The following NNT variants were observed in gnomAD, a reference collection of about 807,000 sequenced individuals.
NNT encodes the protein nicotinamide nucleotide transhydrogenase.
A neutral mutation model predicts 104.8 loss-of-function variants in NNT; 50 were observed. That is an observed-to-expected ratio of 0.48 (90% CI 0.38 to 0.60). The LOEUF is 0.60. Ranked by LOEUF, NNT falls within the 20% of genes least tolerant of loss-of-function variation. The pLI, the probability that NNT is intolerant of heterozygous loss-of-function variation, is 0.00. For missense variants in NNT, 1,131 were observed against 1,330.7 expected (o/e 0.85, Z 2.33); for synonymous variants, 461 against 490.4 (o/e 0.94, Z 0.79).
At position 43,644,669 on chromosome 5, in the gene NNT, C is replaced by A. The variant is rs758549808; in HGVS notation, c.1157C>A (p.Thr386Asn). The A allele has an allele frequency of 6.2e-7, 1 of 1,614,146 alleles. No individual in the cohort carries two copies. Among genetic ancestry groups the A allele is most frequent in the Admixed American group, 1.7e-5 (1 of 60,018 alleles). ...AGCCGAATGGCCACTCAGGCCAGCA[C>A]CCTATATTCCAACAACATCACCAAA... ...LPSRMATQAS[T>N]LYSNNITKLL... is the part of the protein sequence containing the mutation. Residue 386 changes from threonine to asparagine, a missense_variant, in exon 9 of 22, where the codon ACC becomes AAC. Transcript: ENST00000344920.
chr5:43,659,113 G>A (rs150434490), intron 16 of NNT, 58 bp from the exon 17 acceptor site: 23 of 1,464,968 alleles, frequency 1.6e-5, no homozygotes, highest in South Asian at 6.9e-5. Context: ...AATGTTAAAT[G>A]TCAGAGGTTT....
chr5:43,619,094 C>T lies in NNT; in HGVS notation c.662C>T (p.Ala221Val). ...FGRFFTGQIT[A>V]AGKVPPAKIL... Reference sequence around the variant, plus strand: ...CGTTTTTTTACTGGTCAGATCACAGCTGCTGGAAAAGTTCCTCCAGCTAAG... The same window carrying T: ...CGTTTTTTTACTGGTCAGATCACAGTTGCTGGAAAAGTTCCTCCAGCTAAG... Residue 221 changes from alanine (A) to valine (V), a missense_variant, in exon 5 of 22, where the codon GCT (alanine) becomes GTT (valine). Coordinates refer to ENST00000344920, the MANE Select transcript of NNT (RefSeq NM_182977.3). The T allele has an allele frequency of 6.4e-7, 1 of 1,553,330 alleles. No homozygotes were observed. Among genetic ancestry groups the T allele is most frequent in the South Asian group, 1.3e-5 (1 of 77,086 alleles).
intron 19 of NNT, among the ~76,000 whole-genome samples, chr5:43,683,540 G>C (rs1001395769): frequency 2.6e-5 from 4 of 152,140 alleles, no homozygotes; most frequent in African/African-American, 7.2e-5. Context: ...TGACCATCAG[G>C]GTGATTTTTG....
chr5:43,689,268 G>T (rs1742141317), intron 19 of NNT, among the ~76,000 whole-genome samples: 1 of 152,144 alleles, frequency 6.6e-6, no homozygotes, highest in Admixed American at 6.5e-5. Flanking sequence ...TGAGTTCTTT[G>T]TAGATTCTGG....
chr5:43,618,900 A>C (rs1749923100), intron 4 of NNT, 132 bp from the exon 5 acceptor site: 1 of 430,382 alleles, frequency 2.3e-6, no homozygotes, highest in Non-Finnish European at 3.8e-6. Context: ...TGTTTTTGAC[A>C]CATAGTACAT....
chr5:43,608,182 G>C lies in NNT; in HGVS notation c.-53-961G>C, dbSNP rs563349270. Among the ~76,000 whole-genome samples the C allele has an allele frequency of 9.2e-5, 14 of 152,192 alleles. No homozygotes were observed. In the East Asian group the frequency reaches 2.5e-3, roughly 27 times the overall value. ...CTGACCTCGTGATCTGCTCACCTTGGCCTCCCAAAGTGCTGGGATTACAGG... is the reference window on the plus strand; with the variant it reads ...CTGACCTCGTGATCTGCTCACCTTGCCCTCCCAAAGTGCTGGGATTACAGG... On this transcript the variant is annotated intron_variant, in intron 1 of 21. Transcript: ENST00000344920.
At chr5:43,686,193 C>G (rs1741978620) in intron 19 of NNT, among the ~76,000 whole-genome samples, 1 of 148,864 alleles carries the variant, frequency 6.7e-6, no homozygotes, top group African/African-American at 2.5e-5. Context: ...ATGAAAGGCT[C>G]TATTGTTTTC....
chr5:43,682,848 C>T (rs900716223), intron 19 of NNT, among the ~76,000 whole-genome samples: 1 of 152,106 alleles, frequency 6.6e-6, no homozygotes, highest in African/African-American at 2.4e-5. Context: ...CCAGGGGATA[C>T]CTCAGTGAAG....
chr5:43,676,843 C>T lies in NNT; in HGVS notation c.2795-882C>T, dbSNP rs541377136. Among the ~76,000 whole-genome samples the T allele has an allele frequency of 4.1e-4, 63 of 152,012 alleles. No homozygotes were observed. The Middle Eastern group carries it at 0.01, about 25-fold the overall frequency. On this transcript the variant is annotated intron_variant, in intron 18 of 21. Transcript: ENST00000344920. ...AAACCTATGAAGGTTTGTAGGGAGG[C>T]GACGATTTGTTTTTAGGACTTAGAG...
At position 43,644,776 on chromosome 5, in the gene NNT, G is replaced by A. The variant is rs137922441; in HGVS notation, c.1264G>A (p.Val422Ile). The part of the protein sequence containing the change: ...DDFDFGTMGH[V>I]IRGTVVMKDG... ...CTTTGACTTTGGTACGATGGGTCAT[G>A]TCATTAGAGGAACTGTAGTGATGAA... Residue 422 changes from valine (V) to isoleucine (I), a missense_variant, in exon 9 of 22, where the codon GTC becomes ATC. Transcript: ENST00000344920. 2.3e-5 allele frequency: 37 copies of A among 1,613,984 alleles called. No homozygotes were observed. The African/African-American group carries it at 3.5e-4, about 15-fold the overall frequency.
chr5:43,697,944 G>A (rs775816569), intron 19 of NNT, among the ~76,000 whole-genome samples: 5 of 152,038 alleles, frequency 3.3e-5, no homozygotes, highest in Non-Finnish European at 7.4e-5. Context: ...AGATTTGAGC[G>A]GGGACACAGC....
rs1284962497 is a variant in NNT at position 43,668,725 on chromosome 5, C to G, written c.2635-6786C>G. Among the ~76,000 whole-genome samples, 4 of 152,168 alleles carry G rather than the reference C, an allele frequency of 2.6e-5. 1 individual carries two copies. Among genetic ancestry groups the G allele is most frequent in the African/African-American group, 9.7e-5 (4 of 41,434 alleles). On this transcript the variant is annotated intron_variant, in intron 17 of 21. Transcript: ENST00000344920. ...AAGTCAGGTAGCATGATGCCTCCAG[C>G]TTTGTTCTTTTGGCTTAGGATTGAC... is the stretch of plus-strand genomic sequence containing the variant.
chr5:43,696,009 C>T (rs752117048), intron 19 of NNT, among the ~76,000 whole-genome samples: 2 of 152,172 alleles, frequency 1.3e-5, no homozygotes, highest in Non-Finnish European at 2.9e-5. Context: ...CATCCCACCT[C>T]TGGCCCCTCC....
chr5:43,643,333 CTG>C (rs1486719123), intron 7 of NNT, among the ~76,000 whole-genome samples: 1 of 152,150 alleles, frequency 6.6e-6, no homozygotes, highest in Admixed American at 6.5e-5. Context: ...GTATAAGCCC[CTG>C]TTGAACATAT....
chr5:43,648,393 G>A (rs770629094), intron 10 of NNT: 57 of 198,594 alleles, frequency 2.9e-4, no homozygotes, highest in Non-Finnish European at 4.8e-4. Context: ...TTCTGTTGCA[G>A]AACAACTGTC....
chr5:43,694,185 A>T (rs920440492), intron 19 of NNT, among the ~76,000 whole-genome samples: 1 of 152,342 alleles, frequency 6.6e-6, no homozygotes. Context: ...TGGGGCCAAG[A>T]CTGTGGGGTT....
Position 43,609,273 on chromosome 5 carries a change from A to C in NNT, c.78A>C (p.Leu26=). 1 of 1,614,064 alleles carries C rather than the reference A, an allele frequency of 6.2e-7. No individual in the cohort carries two copies. The highest frequency in any genetic ancestry group is 8.5e-7 in the Non-Finnish European group (1 of 1,179,940). The change falls in exon 2 of 22, where the codon CTA becomes CTC. Residue 26 remains leucine (L), a synonymous_variant. Transcript: ENST00000344920. The stretch of plus-strand genomic sequence containing the variant: ...GCAATTTGGGGTCCTGTAAGGGTCT[A>C]CGTGTGAAGAAGGATTTTTTACGAA... ...LLSNLGSCKG[L]RVKKDFLRTF...
chr5:43,658,902 G>A (rs555431154), intron 16 of NNT, among the ~76,000 whole-genome samples: 59 of 152,136 alleles, frequency 3.9e-4, no homozygotes, highest in Non-Finnish European at 7.2e-4. Flanking sequence ...AAATGTAGAC[G>A]CTTCTCCAGT....
intron 6 of NNT, among the ~76,000 whole-genome samples, chr5:43,627,615 T>G (rs1315017804): frequency 6.6e-6 from 1 of 152,216 alleles, no homozygotes; most frequent in African/African-American, 2.4e-5. Flanking sequence ...ATTTATTTAT[T>G]TATTTAAAAC....
Sources: allele counts gnomAD v4.1 joint callset (sites outside exome capture counted in the v4.1 genomes callset), GRCh38; gene constraint gnomAD v4.1.1; transcripts MANE v1.5; gene names NCBI Gene and HGNC (gene_info 2026-07-23, HGNC 2026-07-21).